STN1: variants seen among roughly 807,000 people sequenced by gnomAD.
STN1 encodes the protein CST complex subunit STN1.
STN1 carries 29 observed loss-of-function variants against 45.5 expected under a neutral mutation model. The observed-to-expected ratio is 0.64, with a 90% CI of 0.47 to 0.87. STN1 has a LOEUF of 0.87. Among genes scored for constraint, STN1 ranks in the 40% least tolerant of loss-of-function variants. STN1 has a pLI of 0.00. For missense variants in STN1, 376 were observed against 441.4 expected, an observed-to-expected ratio of 0.85 and a Z score of 1.33; for synonymous variants, 148 against 159.0, an observed-to-expected ratio of 0.93 and a Z score of 0.52.
chr10:103,909,520 A>ATATATATGTATATATGTATATATG (rs1564635200), intron 3 of STN1, among the ~76,000 whole-genome samples: 2 of 14,458 alleles, frequency 1.4e-4, no homozygotes, highest in African/African-American at 9.2e-5. Flanking sequence ...GTATATATGT[A>ATATATATGTATATATGTATATATG]TATATATGTA....
In STN1 at chr10:103,913,369, G is replaced by A. The variant is rs149713712; in HGVS notation, c.134-2747C>T. On this transcript the variant is annotated intron_variant, in intron 2 of 9. Transcript: ENST00000224950. ...TGAGCCCTGTGAATTTTCATCTCAC[G>A]GACTGACAACAATGACTTGCCTTTA... Among the ~76,000 whole-genome samples, 227 of 152,096 alleles carry A rather than the reference G, an allele frequency of 1.5e-3. 1 individual carries two copies. Among genetic ancestry groups the A allele is most frequent in the African/African-American group, 5.0e-3 (209 of 41,494 alleles).
chr10:103,879,478 G>C lies in STN1; in HGVS notation c.*3206C>G, dbSNP rs1190156018. ...GAAGGTGACACTCAAGTAAAGGCTGGAAAGAGGGCAGAGGGAGGCACTTCA... is the reference window on the plus strand; with the variant it reads ...GAAGGTGACACTCAAGTAAAGGCTGCAAAGAGGGCAGAGGGAGGCACTTCA... On this transcript the variant is annotated 3_prime_UTR_variant, in exon 10 of 10. Coordinates refer to ENST00000224950, the MANE Select transcript of STN1 (RefSeq NM_024928.5). The C allele has an allele frequency of 1.3e-5, 2 of 152,620 alleles. No individual in the cohort carries two copies. The highest frequency in any genetic ancestry group is 2.9e-5 in the Non-Finnish European group (2 of 68,296). 9.5% of individuals were successfully genotyped at this position (152,620 alleles called of 1,614,324 possible).
At chr10:103,911,011 T>C (rs1166177118) in intron 2 of STN1, among the ~76,000 whole-genome samples, 3 of 46,758 alleles carry the variant, frequency 6.4e-5, no homozygotes, top group South Asian at 4.1e-3. Flanking sequence ...AAGGCTTCTT[T>C]GGCTTTTTTT....
intron 7 of STN1, among the ~76,000 whole-genome samples, chr10:103,894,727 A>G (rs1843160762): frequency 6.6e-6 from 1 of 151,200 alleles, no homozygotes; most frequent in Non-Finnish European, 1.5e-5. Flanking sequence ...AAAAAAAAAC[A>G]GTCACTAGCT....
intron 2 of STN1, among the ~76,000 whole-genome samples, chr10:103,912,199 T>C (rs1456605955): frequency 6.6e-6 from 1 of 151,986 alleles, no homozygotes. Context: ...TCTCAACTCC[T>C]GGTCTCAAGC....
intron 2 of STN1, among the ~76,000 whole-genome samples, chr10:103,915,353 A>T (rs1332651540): frequency 6.6e-6 from 1 of 152,174 alleles, no homozygotes; most frequent in Non-Finnish European, 1.5e-5. Context: ...CTAATTGAAC[A>T]GTTGGTCTTT....
intron 2 of STN1, among the ~76,000 whole-genome samples, chr10:103,917,093 G>T (rs1843337719): frequency 6.6e-6 from 1 of 152,058 alleles, no homozygotes; most frequent in Non-Finnish European, 1.5e-5. Context: ...GCCCGGACCA[G>T]GTAAGTGGCA....
intron 7 of STN1, among the ~76,000 whole-genome samples, chr10:103,894,632 C>T (rs969559944): frequency 1.3e-5 from 2 of 148,938 alleles, no homozygotes; most frequent in Admixed American, 6.8e-5. Flanking sequence ...TCTTTCTTGT[C>T]TTTTTCAAAA....
At chr10:103,899,083 A>C in intron 5 of STN1, 83 bp from the exon 6 acceptor site, 1 of 1,475,114 alleles carries the variant, frequency 6.8e-7, no homozygotes, top group South Asian at 1.2e-5. Flanking sequence ...AACTGCTGCT[A>C]AGACAACAGT....
chr10:103,892,432 G>A (rs953050143), intron 7 of STN1, among the ~76,000 whole-genome samples, 180 bp from the exon 8 acceptor site: 34 of 151,786 alleles, frequency 2.2e-4, no homozygotes, highest in African/African-American at 6.5e-4. Context: ...TGAGAAGTGT[G>A]CCCCGGCAGG....
In STN1 at chr10:103,910,240, C is replaced by T. The variant is rs151165874; in HGVS notation, c.229+287G>A. ...GATATACCCTTTGGCATCAGGTGCC[C>T]CCCTGCCCGTCCATCGATGCTCATA... On this transcript the variant is annotated intron_variant, in intron 3 of 9. Coordinates refer to ENST00000224950, the MANE Select transcript of STN1 (RefSeq NM_024928.5). 2.0e-3 allele frequency among the ~76,000 whole-genome samples: 311 copies of T among 152,270 alleles called. 1 individual carries two copies. The highest frequency in any genetic ancestry group is 7.1e-3 in the African/African-American group (296 of 41,540).
chr10:103,885,023 G>T (rs1004188018), intron 9 of STN1, among the ~76,000 whole-genome samples: 1 of 152,120 alleles, frequency 6.6e-6, no homozygotes, highest in Non-Finnish European at 1.5e-5. Flanking sequence ...ACCTGGAGCT[G>T]CCACTGGAGT....
In STN1 at chr10:103,908,406, G is replaced by A. The variant is rs551628545; in HGVS notation, c.229+2121C>T. Reference sequence around the variant, plus strand: ...ATGTCCTCAGCAGCTACACAGTACCGCCTGGGCCGCTGGCCTTGTTTCAGC... The same window carrying A: ...ATGTCCTCAGCAGCTACACAGTACCACCTGGGCCGCTGGCCTTGTTTCAGC... On this transcript the variant is annotated intron_variant, in intron 3 of 9. Coordinates refer to ENST00000224950, the MANE Select transcript of STN1 (RefSeq NM_024928.5). 5.6e-5 allele frequency among the ~76,000 whole-genome samples: 4 copies of A among 71,318 alleles called. No homozygotes were observed. The East Asian group carries it at 1.7e-3, about 30-fold the overall frequency. The allele number at this position is 71,318 out of a possible 152,430, so 46.8% of individuals were successfully genotyped here.
chr10:103,910,647 G>C (rs369326969), intron 2 of STN1, 25 bp from the exon 3 acceptor site: 1 of 1,327,168 alleles, frequency 7.5e-7, no homozygotes, highest in Non-Finnish European at 1.1e-6. Flanking sequence ...AAGCAAAGTC[G>C]ACATAATGTA....
At chr10:103,910,165 T>C (rs2134374810) in intron 3 of STN1, among the ~76,000 whole-genome samples, 1 of 152,332 alleles carries the variant, frequency 6.6e-6, no homozygotes. Flanking sequence ...TGGTCTTCGC[T>C]TTTTAAAGTG....
intron 7 of STN1, 117 bp from the exon 8 acceptor site, chr10:103,892,369 G>T: frequency 1.1e-6 from 1 of 887,540 alleles, no homozygotes; most frequent in Non-Finnish European, 1.7e-6. Context: ...TAACTGCTGA[G>T]TCAAAAAGAT....
At position 103,917,599 on chromosome 10, in the gene STN1, A is replaced by T. The variant is rs767388949; in HGVS notation, c.-5T>A. 8 of 1,613,104 alleles carry T rather than the reference A, an allele frequency of 5.0e-6. No homozygotes were observed. The highest frequency in any genetic ancestry group is 1.7e-5 in the Admixed American group (1 of 59,812). ...CCGGCTGGATCCAGGCTGCATCAAG[A>T]GGCAGGGCTGTGGCTTCCAGCTAAC... is the stretch of plus-strand genomic sequence containing the variant. On this transcript the variant is annotated 5_prime_UTR_variant, in exon 2 of 10. Transcript: ENST00000224950.
At chr10:103,914,360 A>ATTTT (rs1564636131) in intron 2 of STN1, among the ~76,000 whole-genome samples, 5 of 10,462 alleles carry the variant, frequency 4.8e-4, no homozygotes, top group South Asian at 6.5e-3. Flanking sequence ...ATATATATAT[A>ATTTT]TATATATATA....
chr10:103,889,471 G>A (rs892403276), intron 8 of STN1, among the ~76,000 whole-genome samples: 6 of 151,624 alleles, frequency 4.0e-5, no homozygotes, highest in South Asian at 2.1e-4. Context: ...GAGGCACAGT[G>A]ATCAAGGCCT....
Sources: allele counts gnomAD v4.1 joint callset (sites outside exome capture counted in the v4.1 genomes callset), GRCh38; gene constraint gnomAD v4.1.1; transcripts MANE v1.5; gene names NCBI Gene and HGNC (gene_info 2026-07-23, HGNC 2026-07-21).